The following ZSWIM5 variants were observed in gnomAD, a reference collection of about 807,000 sequenced individuals.
ZSWIM5 encodes zinc finger SWIM-type containing 5.
ZSWIM5 carries 55 observed loss-of-function variants against 119.6 expected under a neutral mutation model. The observed-to-expected ratio is 0.46, with a 90% CI of 0.37 to 0.58. The LOEUF is 0.58. Among genes scored for constraint, ZSWIM5 ranks in the 20% least tolerant of loss-of-function variants. The pLI, the probability that ZSWIM5 is intolerant of heterozygous loss-of-function variation, is 0.00. For synonymous variants in ZSWIM5, 537 were observed against 606.9 expected, an observed-to-expected ratio of 0.88 and a Z score of 1.69; for missense variants, 1,193 against 1,512.8, an observed-to-expected ratio of 0.79 and a Z score of 3.51.
At chr1:45,121,829 C>A (rs552326339) in intron 1 of ZSWIM5, among the ~76,000 whole-genome samples, 1 of 152,054 alleles carries the variant, frequency 6.6e-6, no homozygotes, top group Non-Finnish European at 1.5e-5. Flanking sequence ...CTCAAGTGAT[C>A]CCCTCACCTC....
intron 1 of ZSWIM5, among the ~76,000 whole-genome samples, chr1:45,166,475 C>A (rs1233509593): frequency 6.6e-6 from 1 of 152,018 alleles, no homozygotes; most frequent in Non-Finnish European, 1.5e-5. Flanking sequence ...CCAGGGCAAT[C>A]AGGCAGGAGA....
chr1:45,087,002 G>A (rs1645334723), intron 2 of ZSWIM5, among the ~76,000 whole-genome samples: 1 of 150,666 alleles, frequency 6.6e-6, no homozygotes, highest in Admixed American at 6.7e-5. Flanking sequence ...TCCCGCCTCA[G>A]CCTCCAAAGT....
rs544095222 is a variant in ZSWIM5, at chr1:45,183,673, C to T, written c.595+22083G>A. ...GAAGAAATGGATAAATTCCTGGAAACATATACTCTCCCAAGACTAAACCAG... is the reference window on the plus strand; with the variant it reads ...GAAGAAATGGATAAATTCCTGGAAATATATACTCTCCCAAGACTAAACCAG... On this transcript the variant is annotated intron_variant, in intron 1 of 13. Transcript: ENST00000359600. 1.0e-3 allele frequency among the ~76,000 whole-genome samples: 156 copies of T among 152,260 alleles called. 3 individuals carry two copies. Among genetic ancestry groups the T allele is most frequent in the Middle Eastern group, 6.8e-3 (2 of 294 alleles).
At chr1:45,047,975 T>C (rs1306012520) in intron 5 of ZSWIM5, among the ~76,000 whole-genome samples, 2 of 152,124 alleles carry the variant, frequency 1.3e-5, no homozygotes, top group African/African-American at 2.4e-5. Flanking sequence ...TAGAAAGTAC[T>C]GAGGACCCAC....
At chr1:45,050,395 G>A (rs1026935727) in intron 5 of ZSWIM5, among the ~76,000 whole-genome samples, 5 of 152,102 alleles carry the variant, frequency 3.3e-5, no homozygotes. Context: ...TGTAAAATCA[G>A]TGTCTGATAA....
At chr1:45,150,171 T>TAAAAAAAAAAAAAAAAAAA (rs59869691) in intron 1 of ZSWIM5, among the ~76,000 whole-genome samples, 38 of 93,200 alleles carry the variant, frequency 4.1e-4, no homozygotes, top group East Asian at 5.9e-4. Flanking sequence ...CTCTATCTCT[T>TAAAAAAAAAAAAAAAAAAA]AAAAAAAAAA....
intron 11 of ZSWIM5, among the ~76,000 whole-genome samples, chr1:45,027,798 C>G (rs1483047657): frequency 6.6e-6 from 1 of 152,174 alleles, no homozygotes; most frequent in Non-Finnish European, 1.5e-5. Context: ...CCCACCTCAG[C>G]CTCCCAAGCC....
chr1:45,075,873 T>C (rs1031182731), intron 2 of ZSWIM5, among the ~76,000 whole-genome samples: 2 of 135,074 alleles, frequency 1.5e-5, no homozygotes, highest in African/African-American at 6.1e-5. Context: ...TGTGTAGCTG[T>C]TGTATTTTTT....
chr1:45,044,043 A>G (rs1645032325), intron 5 of ZSWIM5, among the ~76,000 whole-genome samples: 1 of 152,058 alleles, frequency 6.6e-6, no homozygotes. Flanking sequence ...TTTAAAAATT[A>G]GCCCAGCATG....
chr1:45,080,239 G>C (rs770536675), intron 2 of ZSWIM5, among the ~76,000 whole-genome samples: 3 of 152,152 alleles, frequency 2.0e-5, no homozygotes, highest in African/African-American at 7.2e-5. Flanking sequence ...ACTGCCTTTC[G>C]AGTTTATTTA....
intron 1 of ZSWIM5, among the ~76,000 whole-genome samples, chr1:45,184,363 A>G (rs1646043103): frequency 6.6e-6 from 1 of 151,920 alleles, no homozygotes; most frequent in African/African-American, 2.4e-5. Context: ...CTCTCTCACC[A>G]CTCCTATTCA....
At chr1:45,084,741 G>T (rs532598837) in intron 2 of ZSWIM5, among the ~76,000 whole-genome samples, 1 of 152,322 alleles carries the variant, frequency 6.6e-6, no homozygotes, top group African/African-American at 2.4e-5. Context: ...TCACATCCAC[G>T]TGACAGTGAT....
rs764217445 is a variant in ZSWIM5 at position 45,019,368 on chromosome 1, T to C, written c.2696-52A>G. 10 of 1,563,086 alleles carry C rather than the reference T, an allele frequency of 6.4e-6. No homozygotes were observed. Among genetic ancestry groups the C allele is most frequent in the Non-Finnish European group, 8.6e-6 (10 of 1,159,348 alleles). On this transcript the variant is annotated intron_variant, in intron 13 of 13. Coordinates refer to ENST00000359600, the MANE Select transcript of ZSWIM5 (RefSeq NM_020883.2). This position sits in a 1 kb window ranked among gnomAD's most constrained non-coding sequence, Gnocchi z 5.0. The stretch of plus-strand genomic sequence containing the variant: ...GTGGCCATCTGGGTCCTGATTCAGG[T>C]CTACCCAGATTACCATTTGGGGTTT...
chr1:45,176,259 C>G (rs770265694), intron 1 of ZSWIM5, among the ~76,000 whole-genome samples: 1 of 151,398 alleles, frequency 6.6e-6, no homozygotes, highest in African/African-American at 2.4e-5. Flanking sequence ...TGGTCTTTAT[C>G]TTTTCTTATC....
At chr1:45,053,127 C>CAAAA (rs60199581) in intron 4 of ZSWIM5, among the ~76,000 whole-genome samples, 1 of 122,158 alleles carries the variant, frequency 8.2e-6, no homozygotes, top group South Asian at 2.6e-4. Flanking sequence ...CCGTCTCAAA[C>CAAAA]AAAAAAAAAA....
In ZSWIM5 at chr1:45,034,393, G is replaced by A. The variant is rs757041353; in HGVS notation, c.2368C>T (p.Arg790Cys). 16 of 1,613,926 alleles carry A rather than the reference G, an allele frequency of 9.9e-6. No individual in the cohort carries two copies. The highest frequency in any genetic ancestry group is 6.6e-5 in the South Asian group (6 of 91,068). Reference protein sequence around the residue: ...PHHMVSVVPSRYPRWFTLGHL... With the variant: ...PHHMVSVVPSCYPRWFTLGHL... ...CCAAGCGTGAACCAGCGAGGATAAC[G>A]GCTGGGCACCACAGACACCATATGG... The change falls in exon 11 of 14, where the codon CGT becomes TGT. Residue 790 changes from arginine (R) to cysteine (C), a missense_variant. Physicochemically the swap from Arg to Cys is radical, Grantham distance 180. Transcript: ENST00000359600.
intron 1 of ZSWIM5, among the ~76,000 whole-genome samples, chr1:45,173,097 C>T (rs1403959618): frequency 1.3e-5 from 2 of 151,978 alleles, no homozygotes; most frequent in East Asian, 3.9e-4. Context: ...CCCAAGAGTT[C>T]AAGGCTGCAG....
chr1:45,077,050 T>C (rs903074788), intron 2 of ZSWIM5, among the ~76,000 whole-genome samples: 20 of 152,288 alleles, frequency 1.3e-4, no homozygotes, highest in Admixed American at 1.2e-3. Context: ...AACAGCTATT[T>C]TGAATTCTTT....
At position 45,019,529 on chromosome 1, in the gene ZSWIM5, G is replaced by C. The variant is rs1033892069; in HGVS notation, c.2696-213C>G. ...TCCTATCCCTTCTTTCCCCAGGTCA[G>C]AGAGTTGAAGGTTTCTGCAGGTGCT... On this transcript the variant is annotated intron_variant, in intron 13 of 13. Coordinates refer to ENST00000359600, the MANE Select transcript of ZSWIM5 (RefSeq NM_020883.2). The surrounding 1 kb of genome is among the most constrained non-coding windows in gnomAD (Gnocchi z 5.0). Among the ~76,000 whole-genome samples the C allele has an allele frequency of 2.0e-5, 3 of 152,214 alleles. No individual in the cohort carries two copies. Among genetic ancestry groups the C allele is most frequent in the African/African-American group, 7.2e-5 (3 of 41,456 alleles).
Sources: gnomAD v4.1 joint callset for allele counts (sites outside exome capture counted in the v4.1 genomes callset) on GRCh38, gnomAD v4.1.1 for gene constraint, Gnocchi (gnomAD v3.1) non-coding constraint, MANE v1.5 for transcripts, NCBI Gene and HGNC (gene_info 2026-07-23, HGNC 2026-07-21) for gene names.